AP3D1: variants seen among roughly 807,000 people sequenced by gnomAD.
The protein encoded by AP3D1 is adaptor related protein complex 3 subunit delta 1, also known as AP-3 complex subunit delta-1.
A neutral mutation model predicts 147.6 loss-of-function variants in AP3D1; 51 were observed. The ratio of observed to expected loss-of-function variants is 0.35; its 90% CI spans 0.28 to 0.44. The LOEUF is 0.44. AP3D1 is among the 20% of genes least tolerant of loss of function. AP3D1 has a pLI of 1.00. For synonymous variants in AP3D1, 760 were observed against 663.0 expected, an observed-to-expected ratio of 1.15 and a Z score of -2.25; for missense variants, 1,421 against 1,624.2, an observed-to-expected ratio of 0.87 and a Z score of 2.15.
At chr19:2,119,582 G>A (rs1347226030) in intron 14 of AP3D1, among the ~76,000 whole-genome samples, 1 of 151,664 alleles carries the variant, frequency 6.6e-6, no homozygotes, top group Non-Finnish European at 1.5e-5. Flanking sequence ...TGTAGTCCCA[G>A]CTACTTGCGA....
At chr19:2,148,898 C>T (rs977421951) in intron 1 of AP3D1, among the ~76,000 whole-genome samples, 1 of 152,194 alleles carries the variant, frequency 6.6e-6, no homozygotes, top group African/African-American at 2.4e-5. Context: ...AGAAAATGCG[C>T]ACACTGTCTA....
At chr19:2,161,130 T>A (rs1325410994) in intron 1 of AP3D1, among the ~76,000 whole-genome samples, 1 of 149,712 alleles carries the variant, frequency 6.7e-6, no homozygotes, top group African/African-American at 2.4e-5. Context: ...GTTTACACTG[T>A]CTGGCCCATC....
Position 2,137,734 on chromosome 19 carries a change from G to A in AP3D1, c.266C>T (p.Thr89Ile). 1 of 1,613,956 alleles carries A rather than the reference G, an allele frequency of 6.2e-7. No individual in the cohort carries two copies. Among genetic ancestry groups the A allele is most frequent in the Non-Finnish European group, 8.5e-7 (1 of 1,179,926 alleles). ...IIEVMSASKF[T>I]FKRIGYLAAS... Reference sequence around the variant, plus strand: ...GCCGTCCCAGAACCTCACCTTGAAGGTGAACTTGGAGGCACTCATCACTTC... The same window carrying A: ...GCCGTCCCAGAACCTCACCTTGAAGATGAACTTGGAGGCACTCATCACTTC... Residue 89 changes from threonine (T) to isoleucine (I), a missense_variant, in exon 3 of 32, where the codon ACC (threonine) becomes ATC (isoleucine). Thr to Ile is a moderately conservative substitution (Grantham distance 89, BLOSUM62 -1). Around this residue, in one of 6 missense-constraint regions of AP3D1, gnomAD observed 292 missense variants for 412.0 expected, o/e 0.71. Coordinates refer to ENST00000643116, the MANE Select transcript of AP3D1 (RefSeq NM_001261826.3).
Position 2,111,665 on chromosome 19 carries a change from G to T in AP3D1, c.2937+14C>A, listed in dbSNP as rs368249548. On this transcript the variant is annotated intron_variant, in intron 25 of 31. Coordinates refer to ENST00000643116, the MANE Select transcript of AP3D1 (RefSeq NM_001261826.3). ...AACCCCGGCGTGGGGCGGGGGCGCT[G>T]AAGTACCCCTCACCGGGAGCTGCTC... 631 of 1,577,636 alleles carry T rather than the reference G, an allele frequency of 4.0e-4. No homozygotes were observed. The highest frequency in any genetic ancestry group is 5.2e-4 in the Non-Finnish European group (607 of 1,165,592).
At chr19:2,108,817 C>A (rs1359643406) in intron 30 of AP3D1, 51 bp from the exon 31 acceptor site, 1 of 1,534,194 alleles carries the variant, frequency 6.5e-7, no homozygotes, top group African/African-American at 1.4e-5. Flanking sequence ...ATGGCTGCAG[C>A]CCCACCCCCA....
At chr19:2,118,051 T>G (rs541335559) in intron 15 of AP3D1, among the ~76,000 whole-genome samples, 7 of 152,118 alleles carry the variant, frequency 4.6e-5, no homozygotes, top group Non-Finnish European at 7.4e-5. Context: ...TCCCAGCTAC[T>G]AGGGAGGCTG....
In AP3D1 at chr19:2,151,304, C is replaced by T. The variant is rs1568311704; in HGVS notation, c.31G>A (p.Asp11Asn). The T allele has an allele frequency of 6.2e-7, 1 of 1,610,764 alleles. No homozygotes were observed. The highest frequency in any genetic ancestry group is 2.2e-5 in the East Asian group (1 of 44,560). ...TGCAGATTCTTGTCGAACATGCGGT[C>T]GATGCTGCCCTTCACCATCTTGAGG... MALKMVKGSI[D>N]RMFDKNLQDL... The change falls in exon 1 of 32, where the codon GAC (aspartate) becomes AAC (asparagine). Residue 11 changes from aspartate (D) to asparagine (N), a missense_variant. Coordinates refer to ENST00000643116, the MANE Select transcript of AP3D1 (RefSeq NM_001261826.3).
Position 2,151,374 on chromosome 19 carries a change from CTGGGCGCCGTGAGGGGGCCCGGGGCCCG to C in AP3D1, c.-68_-41del, listed in dbSNP as rs945382073. 1 of 1,448,126 alleles carries C rather than the reference CTGGGCGCCGTGAGGGGGCCCGGGGCCCG, an allele frequency of 6.9e-7. No homozygotes were observed. Among genetic ancestry groups the C allele is most frequent in the African/African-American group, 1.5e-5 (1 of 68,636 alleles). 89.7% of individuals were successfully genotyped at this position (1,448,126 alleles called of 1,614,324 possible). On this transcript the variant is annotated 5_prime_UTR_variant, in exon 1 of 32. Coordinates refer to ENST00000643116, the MANE Select transcript of AP3D1 (RefSeq NM_001261826.3). ...GGCTTTTGCCTCGGGAGGCCCGCGG[CTGGGCGCCGTGAGGGGGCCCGGGGCCCG>C]TGCCTGCCGCCCGCGGAGCGCCGCG...
Position 2,121,228 on chromosome 19 carries a change from C to T in AP3D1, c.1185G>A (p.Glu395=), listed in dbSNP as rs372820212. Residue 395 remains glutamate (E), a synonymous_variant, in exon 13 of 32, where the codon GAG becomes GAA. Transcript: ENST00000643116. The part of the protein sequence containing the change: ...DKAEGTTYRD[E]LLTKIIDICS... ...AGATGTCAATGATCTTGGTGAGCAG[C>T]TCGTCACGGTAGGTGGTACCCTCTG... 5.0e-6 allele frequency: 8 copies of T among 1,614,104 alleles called. No homozygotes were observed. The African/African-American group carries it at 5.3e-5, about 11-fold the overall frequency.
chr19:2,108,637 C>T (rs779123929), intron 31 of AP3D1, 50 bp downstream of exon 31: 92 of 1,530,044 alleles, frequency 6.0e-5, no homozygotes, highest in Non-Finnish European at 2.0e-5. Flanking sequence ...TGGGCATGAC[C>T]CCAGGAGAGG....
chr19:2,115,887 TTC>T (rs1302702069), intron 18 of AP3D1, among the ~76,000 whole-genome samples: 5 of 152,250 alleles, frequency 3.3e-5, no homozygotes, highest in African/African-American at 4.8e-5. Context: ...TACGTGAATA[TTC>T]TGTTTTCTCC....
rs765088250 is a variant in AP3D1, at chr19:2,138,653, G to A, written c.158C>T (p.Ala53Val). 6.8e-6 allele frequency: 11 copies of A among 1,613,896 alleles called. No individual in the cohort carries two copies. The highest frequency in any genetic ancestry group is 6.7e-5 in the East Asian group (3 of 44,880). ...CTTGCAGACCGCGTTCGCCTTCACC[G>A]CTATGTTGTCCTGCTTCAGCTCCTG... ...IKQELKQDNIAVKANAVCKLT... is the reference protein window; with the variant it reads ...IKQELKQDNIVVKANAVCKLT... The change falls in exon 2 of 32, where the codon GCG (alanine) becomes GTG (valine). Residue 53 changes from alanine (A) to valine (V), a missense_variant. Ala to Val is a moderately conservative substitution (Grantham distance 64, BLOSUM62 0). This residue lies in a region of AP3D1 where 292 missense variants were observed against 412.0 expected (regional missense o/e 0.71). Transcript: ENST00000643116.
chr19:2,123,515 C>A, intron 10 of AP3D1, 109 bp from the exon 11 acceptor site: 1 of 1,141,342 alleles, frequency 8.8e-7, no homozygotes, highest in East Asian at 2.5e-5. Flanking sequence ...GGCGTCAGCC[C>A]CACCCACCAA....
intron 1 of AP3D1, among the ~76,000 whole-genome samples, chr19:2,158,571 G>A (rs1176046956): frequency 6.6e-6 from 1 of 151,590 alleles, no homozygotes; most frequent in Non-Finnish European, 1.5e-5. Flanking sequence ...GCCTCCCAAA[G>A]TGCTAGGATT....
intron 8 of AP3D1, among the ~76,000 whole-genome samples, chr19:2,128,060 CAT>C (rs978352505): frequency 3.3e-5 from 5 of 152,200 alleles, no homozygotes; most frequent in Admixed American, 2.0e-4. Flanking sequence ...GTTGCCGACA[CAT>C]GACTGCATCT....
intron 18 of AP3D1, 27 bp downstream of exon 18, chr19:2,116,180 G>C: frequency 3.1e-6 from 5 of 1,610,780 alleles, no homozygotes; most frequent in Non-Finnish European, 4.2e-6. Flanking sequence ...GGGTGCTGAG[G>C]GACAGGCACC....
Position 2,138,580 on chromosome 19 carries a change from C to G in AP3D1, c.192+39G>C, listed in dbSNP as rs779011682. ...GGACACGTGCTGAGTGGAGAAGCAG[C>G]CCGACAGTGCTGGGCGCTGGCCACT... On this transcript the variant is annotated intron_variant, in intron 2 of 31. Transcript: ENST00000643116. 2.0e-6 allele frequency: 3 copies of G among 1,494,234 alleles called. No homozygotes were observed. The East Asian group carries it at 6.8e-5, about 34-fold the overall frequency. The allele number at this position is 1,494,234 out of a possible 1,614,324, so 92.6% of individuals were successfully genotyped here.
intron 1 of AP3D1, among the ~76,000 whole-genome samples, chr19:2,161,126 A>G (rs2019693492): frequency 6.9e-6 from 1 of 145,954 alleles, no homozygotes; most frequent in Admixed American, 6.8e-5. Flanking sequence ...CCTGGTTTAC[A>G]CTGTCTGGCC....
intron 1 of AP3D1, among the ~76,000 whole-genome samples, chr19:2,141,453 T>C (rs1457316573): frequency 6.6e-6 from 1 of 151,390 alleles, no homozygotes; most frequent in Non-Finnish European, 1.5e-5. Flanking sequence ...TTTTTTTTTT[T>C]TAATGGAGTC....
Sources: allele counts gnomAD v4.1 joint callset (sites outside exome capture counted in the v4.1 genomes callset), GRCh38; gene constraint gnomAD v4.1.1; regional missense constraint gnomAD v4.1.1; transcripts MANE v1.5; gene names NCBI Gene and HGNC (gene_info 2026-07-23, HGNC 2026-07-21).